Variants in NTAQ1 observed in about 807,000 individuals in gnomAD.
The protein encoded by NTAQ1 is protein N-terminal glutamine amidohydrolase.
In NTAQ1, 21 loss-of-function variants were observed where a neutral mutation model predicts 28.2. The ratio of observed to expected loss-of-function variants is 0.74; its 90% CI spans 0.53 to 1.07. The LOEUF (loss-of-function observed/expected upper bound fraction) is 1.07. NTAQ1 is among the 50% of genes least tolerant of loss of function. The pLI is 0.00. For synonymous variants in NTAQ1, 105 were observed against 90.0 expected (o/e 1.17, Z -0.94); for missense variants, 264 against 256.6 (o/e 1.03, Z -0.20).
Position 123,416,777 on chromosome 8 carries a change from A to G in NTAQ1, c.-73A>G, listed in dbSNP as rs1162596670. 2 of 1,429,446 alleles carry G rather than the reference A, an allele frequency of 1.4e-6. No individual in the cohort carries two copies. Among genetic ancestry groups the G allele is most frequent in the South Asian group, 1.4e-5 (1 of 72,966 alleles). 88.5% of individuals were successfully genotyped at this position (1,429,446 alleles called of 1,614,324 possible). On this transcript the variant is annotated 5_prime_UTR_variant, in exon 1 of 6. Transcript: ENST00000287387. Reference sequence around the variant, plus strand: ...ACGCCGGGAACCCACGCGGGCCACTACAAGCCCGCCCTTTCCTACGTCTGG... The same window carrying G: ...ACGCCGGGAACCCACGCGGGCCACTGCAAGCCCGCCCTTTCCTACGTCTGG...
intron 1 of NTAQ1, among the ~76,000 whole-genome samples, chr8:123,427,247 C>CTTT (rs33920843): frequency 0.013 from 1,042 of 81,554 alleles, 16 homozygotes; most frequent in East Asian, 0.023. Context: ...ATGGTCAAAG[C>CTTT]TTTTTTTTTT....
chr8:123,461,573 C>T (rs572336576), intron 6 of NTAQ1, among the ~76,000 whole-genome samples: 60 of 152,290 alleles, frequency 3.9e-4, no homozygotes, highest in African/African-American at 1.3e-3. Context: ...TCTGCTCTAC[C>T]ATGCTTAGTA....
At chr8:123,440,508 T>TA (rs1814997219) in intron 5 of NTAQ1, among the ~76,000 whole-genome samples, 1 of 149,510 alleles carries the variant, frequency 6.7e-6, no homozygotes, top group Non-Finnish European at 1.5e-5. Context: ...TCTTCTTTTT[T>TA]TTTTTTTTTT....
chr8:123,449,793 A>G (rs1021010643), downstream of NTAQ1, among the ~76,000 whole-genome samples: 1 of 149,374 alleles, frequency 6.7e-6, no homozygotes, highest in African/African-American at 2.5e-5. Flanking sequence ...CGGAGGTTGT[A>G]GTGAGCCTGA....
chr8:123,473,076 G>T (rs1816058015), downstream of NTAQ1, among the ~76,000 whole-genome samples: 1 of 151,922 alleles, frequency 6.6e-6, no homozygotes, highest in Admixed American at 6.6e-5. Context: ...TTGAGAGTTA[G>T]TTTACTTTTT....
At chr8:123,457,949 G>T (rs1334292941) in intron 6 of NTAQ1, among the ~76,000 whole-genome samples, 5 of 149,628 alleles carry the variant, frequency 3.3e-5, no homozygotes, top group Non-Finnish European at 7.4e-5. Flanking sequence ...CAGGAAAATC[G>T]CTTGAACCCG....
chr8:123,460,641 C>G (rs779941386), intron 6 of NTAQ1, among the ~76,000 whole-genome samples: 8 of 152,210 alleles, frequency 5.3e-5, no homozygotes, highest in Non-Finnish European at 1.0e-4. Context: ...TCAGGGTAAG[C>G]TCTTCAACAT....
At chr8:123,427,520 G>A (rs939723889) in intron 1 of NTAQ1, among the ~76,000 whole-genome samples, 2 of 151,934 alleles carry the variant, frequency 1.3e-5, no homozygotes, top group African/African-American at 4.8e-5. Context: ...CGCCCGCCTC[G>A]GCCTCCCAAA....
downstream of NTAQ1, among the ~76,000 whole-genome samples, chr8:123,450,221 A>G (rs1016028186): frequency 1.3e-5 from 2 of 151,172 alleles, no homozygotes; most frequent in African/African-American, 4.9e-5. Flanking sequence ...CAAAGGAGAA[A>G]GTGGTATTAG....
downstream of NTAQ1, among the ~76,000 whole-genome samples, chr8:123,450,911 A>C (rs1815471555): frequency 6.6e-6 from 1 of 152,186 alleles, no homozygotes; most frequent in Non-Finnish European, 1.5e-5. Context: ...CCCGTTTTCA[A>C]ACAACAACAA....
intron 6 of NTAQ1, among the ~76,000 whole-genome samples, chr8:123,457,293 C>G (rs1422892444): frequency 1.3e-5 from 2 of 152,000 alleles, no homozygotes; most frequent in Non-Finnish European, 2.9e-5. Flanking sequence ...TCTGAAACTC[C>G]TGACTTCAAG....
chr8:123,462,918 C>T (rs759201911), intron 6 of NTAQ1, among the ~76,000 whole-genome samples: 1 of 152,170 alleles, frequency 6.6e-6, no homozygotes, highest in African/African-American at 2.4e-5. Context: ...ACTTTGATCA[C>T]GTTCTGTAAA....
chr8:123,429,180 G>A (rs958353588), intron 2 of NTAQ1, among the ~76,000 whole-genome samples: 2 of 152,138 alleles, frequency 1.3e-5, no homozygotes, highest in African/African-American at 4.8e-5. Context: ...ACTTAGGGTG[G>A]CCCTATGAAT....
At chr8:123,420,415 C>T (rs960354044) in intron 1 of NTAQ1, among the ~76,000 whole-genome samples, 1 of 151,976 alleles carries the variant, frequency 6.6e-6, no homozygotes, top group African/African-American at 2.4e-5. Flanking sequence ...GATTTATATT[C>T]CTTTGGGTAT....
intron 6 of NTAQ1, among the ~76,000 whole-genome samples, chr8:123,453,151 A>G (rs1399727954): frequency 6.6e-6 from 1 of 152,190 alleles, no homozygotes; most frequent in Non-Finnish European, 1.5e-5. Context: ...CTCAAGGCCC[A>G]CAGGATGCAG....
At chr8:123,421,697 T>TTC in intron 1 of NTAQ1, among the ~76,000 whole-genome samples, 1 of 150,682 alleles carries the variant, frequency 6.6e-6, no homozygotes, top group South Asian at 2.1e-4. Flanking sequence ...TTCTTTTCTT[T>TTC]TTTTTTTTTG....
chr8:123,470,949 A>G (rs1384620963), downstream of NTAQ1, among the ~76,000 whole-genome samples: 2 of 148,608 alleles, frequency 1.3e-5, no homozygotes, highest in Non-Finnish European at 1.5e-5. Context: ...GAGACAGGAT[A>G]GCACGCTGTT....
At chr8:123,434,070 A>G (rs2130273304) in intron 3 of NTAQ1, among the ~76,000 whole-genome samples, 1 of 152,198 alleles carries the variant, frequency 6.6e-6, no homozygotes, top group Middle Eastern at 3.4e-3. Flanking sequence ...TCCATTTTAT[A>G]AAAGAGCAGA....
intron 2 of NTAQ1, 77 bp from the exon 3 acceptor site, chr8:123,429,906 C>CA (rs372581225): frequency 0.092 from 53,398 of 579,532 alleles, 1 homozygote; most frequent in East Asian, 0.11. Flanking sequence ...AATCCCGTCT[C>CA]AAAAAAAAAA....
Sources: gnomAD v4.1 joint callset for allele counts (sites outside exome capture counted in the v4.1 genomes callset) on GRCh38, gnomAD v4.1.1 for gene constraint, MANE v1.5 for transcripts, NCBI Gene and HGNC (gene_info 2026-07-23, HGNC 2026-07-21) for gene names.